LRRC38: variants seen among roughly 807,000 people sequenced by gnomAD.
LRRC38 encodes leucine-rich repeat-containing protein 38.
Under a neutral mutation model 16.4 loss-of-function variants are expected in LRRC38, and 5 were observed. The observed-to-expected ratio is 0.31, with a 90% CI of 0.16 to 0.64. LRRC38 has a LOEUF of 0.64. LRRC38 is among the 30% of genes least tolerant of loss of function. The pLI is 0.80. For synonymous variants in LRRC38, 191 were observed against 190.2 expected (o/e 1.00, Z -0.04); for missense variants, 341 against 401.8 (o/e 0.85, Z 1.29).
chr1:13,475,743 C>G lies in LRRC38; in HGVS notation c.*103G>C. 1 of 1,436,644 alleles carries G rather than the reference C, an allele frequency of 7.0e-7. No individual in the cohort carries two copies. Among genetic ancestry groups the G allele is most frequent in the African/African-American group, 1.4e-5 (1 of 70,966 alleles). 89.0% of individuals were successfully genotyped at this position (1,436,644 alleles called of 1,614,324 possible). Reference sequence around the variant, plus strand: ...CACGGAACAGGCTCTGTTCAGTTCACAGATGGTGGCCAGTGCTTTTCCATT... The same window carrying G: ...CACGGAACAGGCTCTGTTCAGTTCAGAGATGGTGGCCAGTGCTTTTCCATT... On this transcript the variant is annotated 3_prime_UTR_variant, in exon 2 of 2. Coordinates refer to ENST00000376085, the MANE Select transcript of LRRC38 (RefSeq NM_001010847.2). This position sits in a 1 kb window ranked among gnomAD's most constrained non-coding sequence, Gnocchi z 4.3.
intron 1 of LRRC38, among the ~76,000 whole-genome samples, chr1:13,509,305 G>A (rs866602630): frequency 1.2e-4 from 19 of 152,248 alleles, no homozygotes; most frequent in African/African-American, 4.3e-4. Flanking sequence ...GCAAGAGGGT[G>A]CCTGGGTGAA....
intron 1 of LRRC38, among the ~76,000 whole-genome samples, chr1:13,484,263 G>A (rs940210510): frequency 1.3e-5 from 2 of 152,014 alleles, no homozygotes; most frequent in Admixed American, 6.6e-5. Context: ...CAAAGCAGCC[G>A]CTCTCCCCAC....
At chr1:13,485,636 C>T (rs1317986201) in intron 1 of LRRC38, among the ~76,000 whole-genome samples, 7 of 152,134 alleles carry the variant, frequency 4.6e-5, no homozygotes, top group Non-Finnish European at 8.8e-5. Context: ...GAGGGTCCTA[C>T]GATTATGCCA....
intron 1 of LRRC38, among the ~76,000 whole-genome samples, chr1:13,484,696 G>A (rs1638910312): frequency 6.6e-6 from 1 of 152,226 alleles, no homozygotes. Context: ...AACTCTCATT[G>A]ATCTTTGGAA....
chr1:13,513,007 T>TGGGC lies in LRRC38; in HGVS notation c.583_586dup (p.His196ArgfsTer19). 1 of 1,439,364 alleles carries TGGGC rather than the reference T, an allele frequency of 6.9e-7. No individual in the cohort carries two copies. Among genetic ancestry groups the TGGGC allele is most frequent in the East Asian group, 3.1e-5 (1 of 32,590 alleles). 89.2% of individuals were successfully genotyped at this position (1,439,364 alleles called of 1,614,324 possible). A position where few individuals can be genotyped will look rare whatever the true frequency, so the allele number is the denominator to read the frequency against. ...GTTCTCCTGGATCCAGGAGAAGAGG[T>TGGGC]GGGCGAAGTCACAGTCGCACAGCCA... is the stretch of plus-strand genomic sequence containing the variant. On this transcript the variant is annotated frameshift_variant, in exon 1 of 2. Coordinates refer to ENST00000376085, the MANE Select transcript of LRRC38 (RefSeq NM_001010847.2). LOFTEE classifies it high-confidence loss of function.
chr1:13,513,196 A>C lies in LRRC38; in HGVS notation c.398T>G (p.Leu133Arg), dbSNP rs1639295078. 6.5e-7 allele frequency: 1 copy of C among 1,550,342 alleles called. No individual in the cohort carries two copies. Among genetic ancestry groups the C allele is most frequent in the African/African-American group, 1.4e-5 (1 of 73,016 alleles). The change falls in exon 1 of 2, where the codon CTT (leucine) becomes CGT (arginine). Residue 133 changes from leucine (L) to arginine (R), a missense_variant. Transcript: ENST00000376085. ...CACCAGGTTGTTGTTAGCCAGGCTA[A>C]GCTTCACCAGCCTCCCGGCCGAGCG... ...AFRSAGRLVK[L>R]SLANNNLVGV...
chr1:13,505,504 G>T (rs1471482899), intron 1 of LRRC38, among the ~76,000 whole-genome samples: 1 of 152,210 alleles, frequency 6.6e-6, no homozygotes, highest in Non-Finnish European at 1.5e-5. Flanking sequence ...ACCCCTAGGA[G>T]TGTGCATTCC....
chr1:13,511,715 GA>G (rs1407906243), intron 1 of LRRC38, among the ~76,000 whole-genome samples: 1 of 152,098 alleles, frequency 6.6e-6, no homozygotes, highest in Admixed American at 6.5e-5. Flanking sequence ...CAGGGTCTGG[GA>G]AACCAGACAA....
chr1:13,481,788 C>CCTCTCTCTCTCT (rs1198744392), intron 1 of LRRC38, among the ~76,000 whole-genome samples: 5 of 34,446 alleles, frequency 1.5e-4, no homozygotes, highest in African/African-American at 2.9e-4. Flanking sequence ...TCCCTCTCTC[C>CCTCTCTCTCTCT]CTCTCTCTCT....
intron 1 of LRRC38, among the ~76,000 whole-genome samples, chr1:13,493,478 A>AAG (rs1352442279): frequency 1.3e-5 from 2 of 151,988 alleles, no homozygotes; most frequent in African/African-American, 4.8e-5. Context: ...GACCCCCTAA[A>AAG]TCGTCCACAT....
At chr1:13,493,322 C>A (rs866725659) in intron 1 of LRRC38, among the ~76,000 whole-genome samples, 1 of 138,078 alleles carries the variant, frequency 7.2e-6, no homozygotes, top group African/African-American at 2.6e-5. Context: ...GAAGTGACCT[C>A]GGGGTGGGGC....
At position 13,513,033 on chromosome 1, in the gene LRRC38, G is replaced by A. The variant is rs1387483518; in HGVS notation, c.561C>T (p.Pro187=). ...GGGCGAAGTCACAGTCGCACAGCCA[G>A]GGGTTCCCGTCCAGACGCAGGGAGC... is the stretch of plus-strand genomic sequence containing the variant. ...ALRSLRLDGN[P]WLCDCDFAHL... Residue 187 remains proline (P), a synonymous_variant, in exon 1 of 2, where the codon CCC becomes CCT. Coordinates refer to ENST00000376085, the MANE Select transcript of LRRC38 (RefSeq NM_001010847.2). 1.0e-5 allele frequency: 16 copies of A among 1,546,190 alleles called. No homozygotes were observed. In the East Asian group the frequency reaches 1.2e-4, roughly 12 times the overall value.
intron 1 of LRRC38, among the ~76,000 whole-genome samples, chr1:13,492,189 T>G (rs981942896): frequency 3.3e-5 from 5 of 152,224 alleles, no homozygotes; most frequent in African/African-American, 1.2e-4. Flanking sequence ...CTCTACGTAC[T>G]GCGTACAAGT....
At chr1:13,478,512 T>G (rs1638813432) in intron 1 of LRRC38, among the ~76,000 whole-genome samples, 1 of 152,220 alleles carries the variant, frequency 6.6e-6, no homozygotes, top group Non-Finnish European at 1.5e-5. Context: ...GCCAGAGAGA[T>G]GCAAGGACAC....
intron 1 of LRRC38, among the ~76,000 whole-genome samples, chr1:13,476,669 G>C (rs573008407): frequency 4.0e-4 from 61 of 152,286 alleles, no homozygotes; most frequent in African/African-American, 1.4e-3. Flanking sequence ...TCAGAGCGGG[G>C]ATGGAAGGGC....
Position 13,475,921 on chromosome 1 carries a change from G to A in LRRC38, c.810C>T (p.Ala270=), listed in dbSNP as rs1460229086. Residue 270 remains alanine, a synonymous_variant, in exon 2 of 2, where the codon GCC becomes GCT. Transcript: ENST00000376085. This position sits in a 1 kb window ranked among gnomAD's most constrained non-coding sequence, Gnocchi z 4.3. The part of the protein sequence containing the change: ...IAAIISSFFL[A]TVVQCLQRCA... ...ACCTCTGGAGGCACTGCACCACAGT[G>A]GCCAGGAAGAAGCTGGAGATGATGG... is the stretch of plus-strand genomic sequence containing the variant. 1.3e-6 allele frequency: 2 copies of A among 1,550,490 alleles called. No homozygotes were observed. Among genetic ancestry groups the A allele is most frequent in the Admixed American group, 3.9e-5 (2 of 50,984 alleles).
intron 1 of LRRC38, among the ~76,000 whole-genome samples, chr1:13,483,021 G>C (rs1332954684): frequency 6.6e-6 from 1 of 152,200 alleles, no homozygotes; most frequent in East Asian, 1.9e-4. Context: ...AGCTGGTCTG[G>C]CTCTGGAGCT....
chr1:13,513,639 G>C lies in LRRC38; in HGVS notation c.-46C>G. The C allele has an allele frequency of 9.6e-7, 1 of 1,041,726 alleles. No homozygotes were observed. The allele number at this position is 1,041,726 out of a possible 1,614,324, so 64.5% of individuals were successfully genotyped here. ...CCGCGGCGAGAAGGAAGCGGCTCTC[G>C]GAGCGAGCCCTGGCGCGGGACGGCG... On this transcript the variant is annotated 5_prime_UTR_variant, in exon 1 of 2. Transcript: ENST00000376085.
chr1:13,494,374 G>C (rs74056252), intron 1 of LRRC38, among the ~76,000 whole-genome samples: 8,987 of 148,914 alleles, frequency 0.06, 866 homozygotes, highest in African/African-American at 0.21. Context: ...TTGACATGCT[G>C]TGTGTGCCAG....
Sources: gnomAD v4.1 joint callset for allele counts (sites outside exome capture counted in the v4.1 genomes callset) on GRCh38, gnomAD v4.1.1 for gene constraint, Gnocchi (gnomAD v3.1) non-coding constraint, MANE v1.5 for transcripts, NCBI Gene and HGNC (gene_info 2026-07-23, HGNC 2026-07-21) for gene names.